CYP4A11: variants seen among roughly 807,000 people sequenced by gnomAD.
The protein encoded by CYP4A11 is cytochrome P450 family 4 subfamily A member 11, also known as cytochrome P450 4A11.
A neutral mutation model predicts 57.7 loss-of-function variants in CYP4A11; 52 were observed. The observed-to-expected ratio is 0.90, with a 90% confidence interval of 0.72 to 1.14. CYP4A11 has a LOEUF of 1.14. Ranked by LOEUF, CYP4A11 falls within the 50% of genes most tolerant of loss-of-function variation. CYP4A11 has a pLI of 0.00. For missense variants in CYP4A11, 641 were observed against 642.1 expected (o/e 1.00, Z 0.02); for synonymous variants, 228 against 247.1 (o/e 0.92, Z 0.72).
In CYP4A11 at chr1:46,930,111, G is replaced by C; in HGVS notation, c.*4C>G. 6.2e-7 allele frequency: 1 copy of C among 1,604,808 alleles called. No homozygotes were observed. Among genetic ancestry groups the C allele is most frequent in the Non-Finnish European group, 8.5e-7 (1 of 1,174,012 alleles). ...CAGGAAGACAGGACGGCAGGTGGAG[G>C]CCCTCAAAGCTGGTCCTTGTCTTCA... On this transcript the variant is annotated 3_prime_UTR_variant, in exon 12 of 12. Coordinates refer to ENST00000310638, the MANE Select transcript of CYP4A11 (RefSeq NM_000778.4).
At position 46,935,029 on chromosome 1, in the gene CYP4A11, C is replaced by A. The variant is rs145085638; in HGVS notation, c.761G>T (p.Arg254Leu). ...GTGCTGATGGGCCAGCTGGCAGGCG[C>A]GGTGTGTCCAGCGGCCAGCAGAGGT... Reference protein sequence around the residue: ...SLTSAGRWTHRACQLAHQHTD... With the variant: ...SLTSAGRWTHLACQLAHQHTD... Residue 254 changes from arginine (R) to leucine (L), a missense_variant, in exon 6 of 12, where the codon CGC becomes CTC. Transcript: ENST00000310638. 1 of 1,614,002 alleles carries A rather than the reference C, an allele frequency of 6.2e-7. No homozygotes were observed. Among genetic ancestry groups the A allele is most frequent in the Admixed American group, 1.7e-5 (1 of 60,014 alleles).
intron 6 of CYP4A11, 60 bp downstream of exon 6, chr1:46,934,940 C>A: frequency 7.0e-6 from 11 of 1,582,196 alleles, no homozygotes; most frequent in South Asian, 1.2e-5. Flanking sequence ...GCTGAGGAGT[C>A]AGGGCAAGTT....
In CYP4A11 at chr1:46,932,769, T is replaced by A; in HGVS notation, c.1356A>T (p.Gly452=). The change falls in exon 11 of 12, where the codon GGA becomes GGT. Residue 452 remains glycine (G), a synonymous_variant. Coordinates refer to ENST00000310638, the MANE Select transcript of CYP4A11 (RefSeq NM_000778.4). ...QHSHAFLPFS[G]GSRNCIGKQF... Reference sequence around the variant, plus strand: ...CACACAGGACGTCTCACCTTGATCCTCCTGAGAAGGGCAGGAAAGCGTGGC... The same window carrying A: ...CACACAGGACGTCTCACCTTGATCCACCTGAGAAGGGCAGGAAAGCGTGGC... The A allele has an allele frequency of 1.2e-6, 2 of 1,614,178 alleles. No homozygotes were observed. Among genetic ancestry groups the A allele is most frequent in the African/African-American group, 2.7e-5 (2 of 75,046 alleles).
In CYP4A11 at chr1:46,930,329, A is replaced by G. The variant is rs745415761; in HGVS notation, c.1365-19T>C. 1 of 1,603,378 alleles carries G rather than the reference A, an allele frequency of 6.2e-7. No individual in the cohort carries two copies. The highest frequency in any genetic ancestry group is 8.5e-7 in the Non-Finnish European group (1 of 1,173,818). ...GCAGTTCCTGGGCCAGGTGGAGATAATGAATTGAGAAGTGTCCTCAGGCCC... is the reference window on the plus strand; with the variant it reads ...GCAGTTCCTGGGCCAGGTGGAGATAGTGAATTGAGAAGTGTCCTCAGGCCC... On this transcript the variant is annotated intron_variant, in intron 11 of 11. Transcript: ENST00000310638.
At chr1:46,934,705 G>T in intron 6 of CYP4A11, 146 bp from the exon 7 acceptor site, 1 of 994,304 alleles carries the variant, frequency 1.0e-6, no homozygotes, top group Non-Finnish European at 1.4e-6. Flanking sequence ...GGAAGCTCTA[G>T]TACTGTGTGA....
intron 4 of CYP4A11, 109 bp downstream of exon 4, chr1:46,936,555 T>C (rs1681401254): frequency 6.9e-7 from 1 of 1,443,600 alleles, no homozygotes; most frequent in South Asian, 1.6e-5. Context: ...AGAGTGTTGT[T>C]CCATGTGTCT....
At chr1:46,930,900 C>T (rs1450767671) in intron 11 of CYP4A11, among the ~76,000 whole-genome samples, 3 of 152,170 alleles carry the variant, frequency 2.0e-5, no homozygotes, top group Non-Finnish European at 4.4e-5. Context: ...TGTCTAACCT[C>T]ACTCCTCCAT....
chr1:46,940,718 C>G lies in CYP4A11; in HGVS notation c.195+521G>C, dbSNP rs531392894. 19 of 985,422 alleles carry G rather than the reference C, an allele frequency of 1.9e-5. No homozygotes were observed. In the South Asian group the frequency reaches 7.0e-4, roughly 37 times the overall value. 61.0% of individuals were successfully genotyped at this position (985,422 alleles called of 1,614,324 possible). Reference sequence around the variant, plus strand: ...GTCCCCTATACCAGCAGATCTCTGCCTCAGATATCCACCCCAGCAGAGTGA... The same window carrying G: ...GTCCCCTATACCAGCAGATCTCTGCGTCAGATATCCACCCCAGCAGAGTGA... On this transcript the variant is annotated intron_variant, in intron 1 of 11. Transcript: ENST00000310638.
intron 11 of CYP4A11, 140 bp from the exon 12 acceptor site, chr1:46,930,450 C>T (rs1570045754): frequency 1.0e-6 from 1 of 968,344 alleles, no homozygotes; most frequent in Non-Finnish European, 1.5e-6. Context: ...CACATACAGC[C>T]CATGGACACT....
intron 9 of CYP4A11, among the ~76,000 whole-genome samples, chr1:46,933,333 A>C (rs1402515888): frequency 6.6e-6 from 1 of 152,212 alleles, no homozygotes; most frequent in Non-Finnish European, 1.5e-5. Flanking sequence ...ATATCCTCCA[A>C]GGGTCATTGG....
intron 2 of CYP4A11, among the ~76,000 whole-genome samples, chr1:46,937,665 C>A (rs1414519689): frequency 6.6e-6 from 1 of 152,186 alleles, no homozygotes; most frequent in African/African-American, 2.4e-5. Flanking sequence ...CTGACCAAGA[C>A]AGGCAACAAT....
intron 4 of CYP4A11, 120 bp downstream of exon 4, chr1:46,936,544 G>C (rs1349964249): frequency 1.4e-5 from 19 of 1,406,174 alleles, no homozygotes; most frequent in Admixed American, 2.9e-5. Context: ...GCAATGACCT[G>C]AGAGTGTTGT....
intron 1 of CYP4A11, among the ~76,000 whole-genome samples, chr1:46,938,943 C>T (rs2148465772): frequency 6.6e-6 from 1 of 152,330 alleles, no homozygotes; most frequent in Non-Finnish European, 1.5e-5. Flanking sequence ...GCCACCACTG[C>T]TGCTGAATCG....
At chr1:46,938,545 A>C (rs2148465174) in intron 1 of CYP4A11, among the ~76,000 whole-genome samples, 1 of 152,362 alleles carries the variant, frequency 6.6e-6, no homozygotes, top group South Asian at 2.1e-4. Context: ...CATACTTGTT[A>C]TATTTTCAAT....
intron 4 of CYP4A11, 88 bp downstream of exon 4, chr1:46,936,576 C>T (rs892678137): frequency 2.7e-6 from 4 of 1,485,400 alleles, no homozygotes; most frequent in Admixed American, 2.3e-5. Flanking sequence ...ATGTCTATGT[C>T]TGCCTGTGGG....
At chr1:46,938,514 T>C (rs9332998) in intron 1 of CYP4A11, among the ~76,000 whole-genome samples, 23,925 of 152,256 alleles carry the variant, frequency 0.16, 2,010 homozygotes, top group South Asian at 0.28. Context: ...CATTTTAAAT[T>C]ACACAATGCC....
chr1:46,934,763 T>C (rs1450532363), intron 6 of CYP4A11, among the ~76,000 whole-genome samples: 3 of 152,162 alleles, frequency 2.0e-5, no homozygotes, highest in Non-Finnish European at 4.4e-5. Flanking sequence ...AGGCTCCTCT[T>C]GAATGCTGTT....
chr1:46,938,991 C>T (rs1035674221), intron 1 of CYP4A11, among the ~76,000 whole-genome samples: 6 of 152,178 alleles, frequency 3.9e-5, no homozygotes, highest in Non-Finnish European at 8.8e-5. Context: ...TGGGCCCTGG[C>T]ACTTGCTCTT....
chr1:46,933,975 G>A lies in CYP4A11; in HGVS notation c.1193C>T (p.Thr398Ile). The change falls in exon 9 of 12, where the codon ACC becomes ATC. Residue 398 changes from threonine to isoleucine, a missense_variant. Transcript: ENST00000310638. ...GIGRELSTPV[T>I]FPDGRSLPKG... is the part of the protein sequence containing the mutation. ...GGGCAAGGAGCGCCCATCAGGGAAG[G>A]TGACGGGAGTGCTGAGCTCTCTGCC... The A allele has an allele frequency of 6.2e-7, 1 of 1,614,168 alleles. No individual in the cohort carries two copies. Among genetic ancestry groups the A allele is most frequent in the South Asian group, 1.1e-5 (1 of 91,078 alleles).
Sources: gnomAD v4.1 joint callset for allele counts (sites outside exome capture counted in the v4.1 genomes callset) on GRCh38, gnomAD v4.1.1 for gene constraint, MANE v1.5 for transcripts, NCBI Gene and HGNC (gene_info 2026-07-23, HGNC 2026-07-21) for gene names.